SLC2A13: variants seen among roughly 807,000 people sequenced by gnomAD.
SLC2A13 encodes proton myo-inositol cotransporter.
A neutral mutation model predicts 64.4 loss-of-function variants in SLC2A13; 32 were observed. That is an observed-to-expected ratio of 0.50 (90% CI 0.37 to 0.67). The LOEUF (loss-of-function observed/expected upper bound fraction) is 0.67. SLC2A13 is among the 30% of genes least tolerant of loss of function. The pLI, the probability that SLC2A13 is intolerant of heterozygous loss-of-function variation, is 0.00. For missense variants in SLC2A13, 743 were observed against 829.2 expected (o/e 0.90, Z 1.28); for synonymous variants, 338 against 327.1 (o/e 1.03, Z -0.36).
chr12:40,092,860 T>C (rs2136298746), intron 1 of SLC2A13, among the ~76,000 whole-genome samples: 1 of 152,328 alleles, frequency 6.6e-6, no homozygotes, highest in East Asian at 1.9e-4. Context: ...GCCTTTCCAC[T>C]CCTGCTTTAA....
intron 4 of SLC2A13, among the ~76,000 whole-genome samples, chr12:39,915,008 C>T (rs965232147): frequency 1.3e-5 from 2 of 151,750 alleles, no homozygotes; most frequent in African/African-American, 4.8e-5. Context: ...CAAAAGACTA[C>T]AAAAGATTTA....
intron 3 of SLC2A13, among the ~76,000 whole-genome samples, chr12:39,986,672 A>C (rs1044930006): frequency 4.0e-5 from 6 of 151,738 alleles, no homozygotes; most frequent in Non-Finnish European, 8.8e-5. Context: ...CAAAAAAAAA[A>C]AGATTTTTTA....
chr12:40,036,012 C>CT (rs891597982), intron 2 of SLC2A13, among the ~76,000 whole-genome samples: 1 of 152,090 alleles, frequency 6.6e-6, no homozygotes, highest in Non-Finnish European at 1.5e-5. Context: ...TACACATATC[C>CT]TTTTTTCCCC....
At chr12:39,948,913 C>T (rs1246998629) in intron 4 of SLC2A13, among the ~76,000 whole-genome samples, 1 of 152,022 alleles carries the variant, frequency 6.6e-6, no homozygotes, top group East Asian at 1.9e-4. Flanking sequence ...AAGTAAATTA[C>T]TAGACTCTAA....
In SLC2A13 at chr12:39,914,515, G is replaced by A. The variant is rs113392994; in HGVS notation, c.1034+36742C>T. Among the ~76,000 whole-genome samples the A allele has an allele frequency of 7.1e-4, 108 of 152,084 alleles. 2 individuals carry two copies. Among genetic ancestry groups the A allele is most frequent in the African/African-American group, 2.6e-3 (106 of 41,478 alleles). ...AGGAGAGGGAACTCAGAGTACTGGA[G>A]AGAAAATTAAAAGCCTAACCTGTTA... On this transcript the variant is annotated intron_variant, in intron 4 of 9. Transcript: ENST00000280871.
chr12:40,071,656 T>C (rs1228848089), intron 1 of SLC2A13, among the ~76,000 whole-genome samples: 1 of 152,160 alleles, frequency 6.6e-6, no homozygotes, highest in Non-Finnish European at 1.5e-5. Flanking sequence ...TTTTGGAAGG[T>C]TATGATATAT....
At chr12:40,080,905 AT>A (rs1344423189) in intron 1 of SLC2A13, among the ~76,000 whole-genome samples, 16 of 152,322 alleles carry the variant, frequency 1.1e-4, no homozygotes, top group African/African-American at 3.8e-4. Context: ...GTGGTAATGA[AT>A]TCCCTTAGTG....
intron 7 of SLC2A13, among the ~76,000 whole-genome samples, chr12:39,768,601 G>A (rs912090474): frequency 6.6e-6 from 1 of 152,070 alleles, no homozygotes; most frequent in Non-Finnish European, 1.5e-5. Context: ...CCAGGAGAGG[G>A]AGACAAAGAA....
chr12:39,842,226 A>C (rs946842045), intron 6 of SLC2A13, among the ~76,000 whole-genome samples: 2 of 152,092 alleles, frequency 1.3e-5, no homozygotes, highest in Admixed American at 6.6e-5. Context: ...AGAAGACCAG[A>C]TTAGAAATAC....
intron 6 of SLC2A13, among the ~76,000 whole-genome samples, chr12:39,840,921 G>T (rs952521792): frequency 6.6e-6 from 1 of 152,090 alleles, no homozygotes; most frequent in African/African-American, 2.4e-5. Flanking sequence ...AGATTTGGTA[G>T]TTCCCTTTCT....
At chr12:39,786,482 C>T (rs1941192969) in intron 7 of SLC2A13, among the ~76,000 whole-genome samples, 1 of 152,034 alleles carries the variant, frequency 6.6e-6, no homozygotes, top group South Asian at 2.1e-4. Flanking sequence ...TGGACTAATA[C>T]ACCCAGAAAG....
At chr12:39,994,394 AAAC>A in intron 3 of SLC2A13, among the ~76,000 whole-genome samples, 1 of 151,816 alleles carries the variant, frequency 6.6e-6, no homozygotes, top group Admixed American at 6.6e-5. Flanking sequence ...AAAAAAAAAA[AAAC>A]AAAAAAAAAC....
intron 1 of SLC2A13, among the ~76,000 whole-genome samples, chr12:40,067,096 T>C (rs1029134715): frequency 3.9e-5 from 6 of 152,208 alleles, no homozygotes; most frequent in African/African-American, 7.2e-5. Context: ...TGGTTCCCGG[T>C]GTACAAAACT....
intron 7 of SLC2A13, among the ~76,000 whole-genome samples, chr12:39,811,476 C>G (rs1256399983): frequency 6.6e-6 from 1 of 152,062 alleles, no homozygotes; most frequent in South Asian, 2.1e-4. Context: ...ATTGCTTTAG[C>G]TGTCCCCTGA....
intron 3 of SLC2A13, among the ~76,000 whole-genome samples, chr12:40,002,388 C>T (rs558705258): frequency 6.6e-6 from 1 of 152,326 alleles, no homozygotes; most frequent in African/African-American, 2.4e-5. Context: ...CTGTATTACA[C>T]ATCTCTCTAA....
At chr12:40,043,779 A>T (rs1948131048) in intron 2 of SLC2A13, among the ~76,000 whole-genome samples, 1 of 152,224 alleles carries the variant, frequency 6.6e-6, no homozygotes. Flanking sequence ...AGAAATGCAA[A>T]TCAAAACCAC....
chr12:40,083,168 G>T (rs973823104), intron 1 of SLC2A13, among the ~76,000 whole-genome samples: 2 of 152,212 alleles, frequency 1.3e-5, no homozygotes, highest in Admixed American at 1.3e-4. Flanking sequence ...CATTTGCTGT[G>T]CCCCTTTGGG....
chr12:39,839,323 C>G (rs1336151679), intron 6 of SLC2A13, among the ~76,000 whole-genome samples: 1 of 152,086 alleles, frequency 6.6e-6, no homozygotes, highest in Middle Eastern at 3.4e-3. Context: ...CGGTTGATTT[C>G]CTCTCCCTGT....
At chr12:39,979,515 A>G (rs1565573421) in intron 3 of SLC2A13, among the ~76,000 whole-genome samples, 2 of 149,734 alleles carry the variant, frequency 1.3e-5, no homozygotes, top group Admixed American at 6.6e-5. Context: ...CTCGAGAACT[A>G]CGTGAAGAAT....
Sources: gnomAD v4.1 joint callset for allele counts (sites outside exome capture counted in the v4.1 genomes callset) on GRCh38, gnomAD v4.1.1 for gene constraint, MANE v1.5 for transcripts, NCBI Gene and HGNC (gene_info 2026-07-23, HGNC 2026-07-21) for gene names.